The following DPY30 variants were observed in gnomAD, a reference collection of about 807,000 sequenced individuals.
DPY30 encodes the protein dpy-30 histone methyltransferase complex regulatory subunit, also known as protein dpy-30 homolog.
In DPY30, 6 loss-of-function variants were observed where a neutral mutation model predicts 16.2. The ratio of observed to expected loss-of-function variants is 0.37; its 90% CI spans 0.20 to 0.73. The LOEUF is 0.73. Ranked by LOEUF, DPY30 falls within the 30% of genes least tolerant of loss-of-function variation. The probability of loss-of-function intolerance (pLI) is 0.51; values close to 1 mark genes in which losing one functional copy is unlikely to be tolerated. For missense variants in DPY30, 73 were observed against 113.1 expected (o/e 0.65, Z 1.61); for synonymous variants, 39 against 38.8 (o/e 1.00, Z -0.02).
intron 5 of DPY30, among the ~76,000 whole-genome samples, chr2:32,015,290 G>C (rs975597224): frequency 6.6e-6 from 1 of 152,080 alleles, no homozygotes; most frequent in Non-Finnish European, 1.5e-5. Context: ...AACACAGAGA[G>C]GGTCTTTTGA....
downstream of DPY30, among the ~76,000 whole-genome samples, chr2:32,022,044 T>C (rs533196035): frequency 6.6e-6 from 1 of 152,110 alleles, no homozygotes; most frequent in Non-Finnish European, 1.5e-5. Flanking sequence ...ACCCCGTCTC[T>C]ACTAAAAATA....
chr2:32,024,747 CAT>C, intron 4 of DPY30, among the ~76,000 whole-genome samples: 1 of 152,252 alleles, frequency 6.6e-6, no homozygotes, highest in East Asian at 1.9e-4. Context: ...ATCACTAAGA[CAT>C]GTAGATGAAC....
chr2:32,023,785 G>T (rs527971895), downstream of DPY30: 1 of 1,306,172 alleles, frequency 7.7e-7, no homozygotes, highest in African/African-American at 1.5e-5. Context: ...CTTGACTGCT[G>T]TATTTTCTCT....
intron 3 of DPY30, among the ~76,000 whole-genome samples, chr2:32,034,589 T>C (rs564224040): frequency 6.6e-6 from 1 of 152,272 alleles, no homozygotes; most frequent in South Asian, 2.1e-4. Context: ...GGGGGTCACA[T>C]TTCAACATGA....
intron 3 of DPY30, among the ~76,000 whole-genome samples, chr2:32,037,561 CTT>C (rs113001007): frequency 2.1e-5 from 3 of 144,248 alleles, no homozygotes; most frequent in Admixed American, 7.0e-5. Flanking sequence ...GCCCAGACAA[CTT>C]TTTTTTTTTT....
chr2:32,025,254 G>C (rs1271451701), intron 4 of DPY30, among the ~76,000 whole-genome samples: 1 of 152,024 alleles, frequency 6.6e-6, no homozygotes, highest in Non-Finnish European at 1.5e-5. Context: ...CATGAGGTCA[G>C]GAGTTCAAGA....
At chr2:32,015,333 C>T (rs1675043668) in intron 5 of DPY30, among the ~76,000 whole-genome samples, 1 of 152,158 alleles carries the variant, frequency 6.6e-6, no homozygotes, top group South Asian at 2.1e-4. Flanking sequence ...AACCTAGTGT[C>T]AGTCAACTTT....
downstream of DPY30, among the ~76,000 whole-genome samples, chr2:32,019,897 TA>T (rs1437294808): frequency 6.8e-6 from 1 of 147,600 alleles, no homozygotes; most frequent in African/African-American, 2.5e-5. Context: ...TATATGTGTG[TA>T]TATATATAAA....
At chr2:32,017,615 CAAAAAAAAA>C (rs59826181) in intron 5 of DPY30, among the ~76,000 whole-genome samples, 116 of 134,272 alleles carry the variant, frequency 8.6e-4, no homozygotes, top group African/African-American at 3.2e-3. Flanking sequence ...AACACCATCT[CAAAAAAAAA>C]AAAAAAGAAA....
intron 3 of DPY30, among the ~76,000 whole-genome samples, chr2:32,036,007 C>T (rs1675723301): frequency 6.8e-6 from 1 of 147,610 alleles, no homozygotes; most frequent in South Asian, 2.1e-4. Flanking sequence ...TTTTCTGAGA[C>T]AGGGTCTCAC....
At chr2:32,019,346 T>C (rs1675126455), downstream of DPY30, among the ~76,000 whole-genome samples, 1 of 152,008 alleles carries the variant, frequency 6.6e-6, no homozygotes, top group African/African-American at 2.4e-5. Context: ...TGAGAGGTAA[T>C]AGGGTATTAA....
Position 32,035,950 on chromosome 2 carries a change from A to AG in DPY30, c.84+3328_84+3329insC, listed in dbSNP as rs1378688723. Among the ~76,000 whole-genome samples the AG allele has an allele frequency of 7.9e-5, 12 of 151,652 alleles. No homozygotes were observed. In the East Asian group the frequency reaches 2.3e-3, roughly 29 times the overall value. ...TCAGTCTCGAAGAAAAAAAAAAAAAAAAAGAAAAAGAAAAAAGGATAAGTA... is the reference window on the plus strand; with the variant it reads ...TCAGTCTCGAAGAAAAAAAAAAAAAAGAAAGAAAAAGAAAAAAGGATAAGTA... On this transcript the variant is annotated intron_variant, in intron 3 of 4. Transcript: ENST00000342166.
chr2:32,029,537 TA>T, intron 4 of DPY30, 56 bp downstream of exon 4: 3 of 1,590,482 alleles, frequency 1.9e-6, no homozygotes, highest in Non-Finnish European at 2.6e-6. Context: ...ATATTTCAGA[TA>T]GGGGAATCTA....
chr2:32,036,000 T>TC (rs1220016295), intron 3 of DPY30, among the ~76,000 whole-genome samples: 1 of 151,858 alleles, frequency 6.6e-6, no homozygotes, highest in African/African-American at 2.4e-5. Flanking sequence ...CTTTTTTTTT[T>TC]CTGAGACAGG....
At chr2:32,038,138 T>TC (rs11399229) in intron 3 of DPY30, among the ~76,000 whole-genome samples, 42,423 of 142,462 alleles carry the variant, frequency 0.3, 6,284 homozygotes, top group East Asian at 0.53. Flanking sequence ...TTTCTTTCTT[T>TC]TTTTTTTTTT....
chr2:32,037,609 C>G (rs1306591220), intron 3 of DPY30, among the ~76,000 whole-genome samples: 2 of 151,346 alleles, frequency 1.3e-5, no homozygotes, highest in Admixed American at 6.6e-5. Flanking sequence ...CCAGGCTGGA[C>G]TGCAGTGGCA....
intron 3 of DPY30, 108 bp downstream of exon 3, chr2:32,039,171 G>A (rs990485685): frequency 1.5e-6 from 2 of 1,353,964 alleles, no homozygotes; most frequent in East Asian, 2.3e-5. Flanking sequence ...TTCAGTTCAC[G>A]ATAACAAAGT....
intron 4 of DPY30, among the ~76,000 whole-genome samples, chr2:32,025,621 G>A (rs1469869860): frequency 6.6e-6 from 1 of 151,672 alleles, no homozygotes; most frequent in East Asian, 1.9e-4. Context: ...AATTAGCCGG[G>A]CGTGGTAGTG....
chr2:32,034,380 G>A (rs558251713), intron 3 of DPY30, among the ~76,000 whole-genome samples: 1 of 152,308 alleles, frequency 6.6e-6, no homozygotes, highest in East Asian at 1.9e-4. Flanking sequence ...GACAGAGAGG[G>A]AAGGGGAACT....
Sources: allele counts gnomAD v4.1 joint callset (sites outside exome capture counted in the v4.1 genomes callset), GRCh38; gene constraint gnomAD v4.1.1; transcripts MANE v1.5; gene names NCBI Gene and HGNC (gene_info 2026-07-23, HGNC 2026-07-21).